The following CLMP variants were observed in gnomAD, a reference collection of about 807,000 sequenced individuals.
The protein encoded by CLMP is CXADR like cell adhesion molecule, also known as CXADR-like membrane protein.
Under a neutral mutation model 45.2 loss-of-function variants are expected in CLMP, and 27 were observed. The ratio of observed to expected loss-of-function variants is 0.60; its 90% CI spans 0.44 to 0.82. The LOEUF (loss-of-function observed/expected upper bound fraction) is 0.82. CLMP is among the 40% of genes least tolerant of loss of function. The pLI is 0.00. For synonymous variants in CLMP, 167 were observed against 171.4 expected, an observed-to-expected ratio of 0.97 and a Z score of 0.20; for missense variants, 403 against 448.4, an observed-to-expected ratio of 0.90 and a Z score of 0.91.
At position 123,078,061 on chromosome 11, in the gene CLMP, G is replaced by A. The variant is rs574629727; in HGVS notation, c.680-3218C>T. On this transcript the variant is annotated intron_variant, in intron 5 of 6. Transcript: ENST00000448775. ...GCGGAGGTTGCAGTGAGCCGAGATC[G>A]CACCATTGCACTCCAGCCTGTGCAA... 2.1e-4 allele frequency among the ~76,000 whole-genome samples: 32 copies of A among 151,846 alleles called. No homozygotes were observed. The East Asian group carries it at 5.8e-3, about 28-fold the overall frequency.
intron 2 of CLMP, among the ~76,000 whole-genome samples, chr11:123,088,445 TCCC>T (rs1865890049): frequency 6.6e-6 from 1 of 152,042 alleles, no homozygotes; most frequent in Non-Finnish European, 1.5e-5. Flanking sequence ...TGTCCATATT[TCCC>T]CCAGATGCAT....
intron 1 of CLMP, among the ~76,000 whole-genome samples, chr11:123,181,918 C>A (rs1861775448): frequency 6.6e-6 from 1 of 152,210 alleles, no homozygotes. Flanking sequence ...GTCATTCCCT[C>A]CCCTGGGCTG....
intron 1 of CLMP, among the ~76,000 whole-genome samples, chr11:123,178,361 G>T (rs114786978): frequency 6.6e-6 from 1 of 152,190 alleles, no homozygotes; most frequent in Non-Finnish European, 1.5e-5. Flanking sequence ...GAATATCCAA[G>T]TGTGCATCAT....
At chr11:123,181,448 T>C (rs917576449) in intron 1 of CLMP, among the ~76,000 whole-genome samples, 1 of 152,232 alleles carries the variant, frequency 6.6e-6, no homozygotes, top group Non-Finnish European at 1.5e-5. Context: ...TGCTCCACTG[T>C]GAGCTGAAGT....
chr11:123,190,506 C>T (rs1364046257), intron 1 of CLMP, among the ~76,000 whole-genome samples: 6 of 152,282 alleles, frequency 3.9e-5, no homozygotes, highest in Non-Finnish European at 7.4e-5. Flanking sequence ...AACTAAGGCT[C>T]AGAGTGGTAT....
chr11:123,124,564 T>A (rs1860862973), intron 1 of CLMP, among the ~76,000 whole-genome samples: 1 of 152,234 alleles, frequency 6.6e-6, no homozygotes, highest in Non-Finnish European at 1.5e-5. Context: ...TCTGCAATAA[T>A]CTAACAACCA....
chr11:123,160,170 C>T (rs1344498758), intron 1 of CLMP, among the ~76,000 whole-genome samples: 1 of 148,266 alleles, frequency 6.7e-6, no homozygotes, highest in African/African-American at 2.5e-5. Context: ...GTCTCAGCTA[C>T]TTGGGAGGCT....
chr11:123,186,735 C>T (rs896417141), intron 1 of CLMP, among the ~76,000 whole-genome samples: 1 of 152,134 alleles, frequency 6.6e-6, no homozygotes, highest in Non-Finnish European at 1.5e-5. Flanking sequence ...GTTGGCCAGG[C>T]TGGTTTTGAA....
intron 1 of CLMP, among the ~76,000 whole-genome samples, chr11:123,104,128 C>CTTTTTT (rs1241735527): frequency 1.4e-5 from 1 of 72,390 alleles, no homozygotes; most frequent in Non-Finnish European, 2.5e-5. Context: ...CCATGCCTGG[C>CTTTTTT]TTTTTTTTTT....
At chr11:123,140,326 C>T (rs998811515) in intron 1 of CLMP, among the ~76,000 whole-genome samples, 2 of 152,038 alleles carry the variant, frequency 1.3e-5, no homozygotes, top group Non-Finnish European at 2.9e-5. Flanking sequence ...GTAATTTTGT[C>T]GCGGTCTGAA....
chr11:123,149,780 T>C (rs965247983), intron 1 of CLMP, among the ~76,000 whole-genome samples: 1 of 142,034 alleles, frequency 7.0e-6, no homozygotes, highest in Non-Finnish European at 1.5e-5. Context: ...TCTTTCTTTC[T>C]TTCTTTCTTC....
chr11:123,191,715 G>C (rs1861910688), intron 1 of CLMP, among the ~76,000 whole-genome samples: 2 of 152,162 alleles, frequency 1.3e-5, no homozygotes, highest in Admixed American at 1.3e-4. Context: ...AAAGGTTAGT[G>C]ATCTTCCAAA....
chr11:123,140,274 A>C (rs1462934106), intron 1 of CLMP, among the ~76,000 whole-genome samples: 1 of 152,190 alleles, frequency 6.6e-6, no homozygotes, highest in Admixed American at 6.6e-5. Context: ...GAGGAGAAAA[A>C]TTAAACCTAA....
At chr11:123,109,625 G>T (rs1212733169) in intron 1 of CLMP, among the ~76,000 whole-genome samples, 1 of 152,212 alleles carries the variant, frequency 6.6e-6, no homozygotes, top group Non-Finnish European at 1.5e-5. Context: ...TAGTTATCCT[G>T]CTGGCTGGGA....
intron 1 of CLMP, among the ~76,000 whole-genome samples, chr11:123,146,064 T>A (rs1861234832): frequency 6.6e-6 from 1 of 152,162 alleles, no homozygotes; most frequent in African/African-American, 2.4e-5. Flanking sequence ...GCTGTTAGCA[T>A]CCCTATTTTA....
In CLMP at chr11:123,080,854, A is replaced by G. The variant is rs183906613; in HGVS notation, c.679+2231T>C. On this transcript the variant is annotated intron_variant, in intron 5 of 6. Coordinates refer to ENST00000448775, the MANE Select transcript of CLMP (RefSeq NM_024769.5). ...ATTAAAGGTTTTATTTAACTTATTA[A>G]TAAGGGGGCGCTGGGTGTGGTGGCT... Among the ~76,000 whole-genome samples the G allele has an allele frequency of 3.6e-3, 554 of 152,106 alleles. 4 individuals are homozygous for G. Among genetic ancestry groups the G allele is most frequent in the Admixed American group, 6.6e-3 (101 of 15,274 alleles).
At chr11:123,110,402 C>A (rs1282364988) in intron 1 of CLMP, among the ~76,000 whole-genome samples, 1 of 151,518 alleles carries the variant, frequency 6.6e-6, no homozygotes, top group Non-Finnish European at 1.5e-5. Context: ...TGCCATGAGC[C>A]CTGATTGTGT....
chr11:123,180,351 G>C (rs537144298), intron 1 of CLMP, among the ~76,000 whole-genome samples: 1 of 152,122 alleles, frequency 6.6e-6, no homozygotes, highest in South Asian at 2.1e-4. Flanking sequence ...TGGGGCCTTG[G>C]GGACTGATTA....
At chr11:123,074,434 G>T (rs1043019007) in intron 6 of CLMP, among the ~76,000 whole-genome samples, 2 of 151,864 alleles carry the variant, frequency 1.3e-5, no homozygotes, top group African/African-American at 4.8e-5. Flanking sequence ...CTCCCGCCTC[G>T]GCCTCCCAAA....
Sources: gnomAD v4.1 joint callset for allele counts (sites outside exome capture counted in the v4.1 genomes callset) on GRCh38, gnomAD v4.1.1 for gene constraint, MANE v1.5 for transcripts, NCBI Gene and HGNC (gene_info 2026-07-23, HGNC 2026-07-21) for gene names.